CEP85L: variants seen among roughly 807,000 people sequenced by gnomAD.
The protein encoded by CEP85L is centrosomal protein 85L, also known as centrosomal protein of 85 kDa-like.
CEP85L carries 60 observed loss-of-function variants against 100.3 expected under a neutral mutation model. The observed-to-expected ratio is 0.60, with a 90% CI of 0.49 to 0.74. The LOEUF (loss-of-function observed/expected upper bound fraction) is 0.74, where lower values mean the gene tolerates loss of function less well. Among genes scored for constraint, CEP85L ranks in the 30% least tolerant of loss-of-function variants. The pLI is 0.00. For missense variants in CEP85L, 973 were observed against 936.2 expected, an observed-to-expected ratio of 1.04 and a Z score of -0.51; for synonymous variants, 319 against 322.7, an observed-to-expected ratio of 0.99 and a Z score of 0.12.
chr6:118,519,352 C>T (rs1776476601), intron 4 of CEP85L, among the ~76,000 whole-genome samples: 1 of 151,212 alleles, frequency 6.6e-6, no homozygotes, highest in African/African-American at 2.4e-5. Flanking sequence ...GGCAGAAGAA[C>T]TGCATGAACC....
At chr6:118,596,035 A>G (rs551196712) in intron 2 of CEP85L, among the ~76,000 whole-genome samples, 18 of 152,334 alleles carry the variant, frequency 1.2e-4, no homozygotes, top group African/African-American at 3.8e-4. Flanking sequence ...GGTAATTCTC[A>G]GCTGGGTGTT....
chr6:118,693,382 C>T (rs1777108019), intron 1 of CEP85L, among the ~76,000 whole-genome samples: 3 of 152,180 alleles, frequency 2.0e-5, no homozygotes, highest in Admixed American at 1.3e-4. Flanking sequence ...CCATACAATA[C>T]TACTGGTAGG....
chr6:118,581,703 A>G (rs1780587754), intron 2 of CEP85L, among the ~76,000 whole-genome samples: 1 of 151,986 alleles, frequency 6.6e-6, no homozygotes, highest in Non-Finnish European at 1.5e-5. Flanking sequence ...CTAAAAGGAC[A>G]CTTTTATTCT....
chr6:118,518,123 T>G (rs1444123630), intron 4 of CEP85L, among the ~76,000 whole-genome samples: 1 of 152,136 alleles, frequency 6.6e-6, no homozygotes, highest in African/African-American at 2.4e-5. Flanking sequence ...GCTGCTGGAT[T>G]CGGTTTTCCA....
chr6:118,482,021 A>C, intron 7 of CEP85L, 88 bp from the exon 8 acceptor site: 1 of 653,574 alleles, frequency 1.5e-6, no homozygotes, highest in Non-Finnish European at 2.2e-6. Context: ...AAGGATTAAC[A>C]GACTTGTAGC....
chr6:118,473,129 T>A (rs1303936813), intron 10 of CEP85L, among the ~76,000 whole-genome samples: 3 of 152,210 alleles, frequency 2.0e-5, no homozygotes, highest in Non-Finnish European at 2.9e-5. Context: ...CATTCCTTCA[T>A]GCAAAAATCA....
intron 2 of CEP85L, among the ~76,000 whole-genome samples, chr6:118,582,354 T>C (rs1780623466): frequency 6.6e-6 from 1 of 152,180 alleles, no homozygotes; most frequent in Non-Finnish European, 1.5e-5. Flanking sequence ...ACTCAGGTGT[T>C]TGATCTCACA....
At chr6:118,522,610 A>G (rs1364852712) in intron 4 of CEP85L, among the ~76,000 whole-genome samples, 1 of 152,048 alleles carries the variant, frequency 6.6e-6, no homozygotes, top group Non-Finnish European at 1.5e-5. Flanking sequence ...GGGCATGGTG[A>G]CTCATGTTTG....
At chr6:118,541,492 C>A (rs1393553795) in intron 3 of CEP85L, among the ~76,000 whole-genome samples, 1 of 152,162 alleles carries the variant, frequency 6.6e-6, no homozygotes, top group Non-Finnish European at 1.5e-5. Flanking sequence ...ATGAATTCCA[C>A]ATATCAAAAT....
chr6:118,501,889 G>A, intron 5 of CEP85L: 2 of 1,212,008 alleles, frequency 1.7e-6, no homozygotes, highest in Non-Finnish European at 2.4e-6. Context: ...AAAATAAAAA[G>A]AAAGACAAAG....
At chr6:118,695,622 A>C (rs1228293386) in intron 1 of CEP85L, among the ~76,000 whole-genome samples, 1 of 152,186 alleles carries the variant, frequency 6.6e-6, no homozygotes, top group Non-Finnish European at 1.5e-5. Flanking sequence ...TGGTTCAGAG[A>C]ATATAACACA....
chr6:118,584,086 A>G (rs1373959472), intron 2 of CEP85L, among the ~76,000 whole-genome samples: 2 of 152,216 alleles, frequency 1.3e-5, no homozygotes, highest in African/African-American at 4.8e-5. Flanking sequence ...AGGCACTGTC[A>G]CAAGACCTCT....
At chr6:118,638,758 T>C (rs1774678501) in intron 1 of CEP85L, among the ~76,000 whole-genome samples, 1 of 151,992 alleles carries the variant, frequency 6.6e-6, no homozygotes, top group East Asian at 1.9e-4. Flanking sequence ...ATTATTTTAA[T>C]AGAATACTGA....
At chr6:118,487,420 T>TC (rs1424146215) in intron 6 of CEP85L, among the ~76,000 whole-genome samples, 11 of 152,158 alleles carry the variant, frequency 7.2e-5, no homozygotes, top group Non-Finnish European at 1.6e-4. Context: ...GAACTCTCCT[T>TC]CCCCAAACCA....
In CEP85L at chr6:118,511,333, CATA is replaced by C; in HGVS notation, c.1219_1221del (p.Tyr407del). 1 of 1,612,898 alleles carries C rather than the reference CATA, an allele frequency of 6.2e-7. No homozygotes were observed. The highest frequency in any genetic ancestry group is 8.5e-7 in the Non-Finnish European group (1 of 1,179,182). ...GCCACATAAGAATCCTCACAATTTA[CATA>C]ATGTCCTAACATGGCATGTTGAGCC... is the stretch of plus-strand genomic sequence containing the variant. On this transcript the variant is annotated inframe_deletion, in exon 5 of 13. Coordinates refer to ENST00000368491, the MANE Select transcript of CEP85L (RefSeq NM_001042475.3).
intron 2 of CEP85L, among the ~76,000 whole-genome samples, chr6:118,601,932 C>T (rs963244066): frequency 2.6e-5 from 4 of 152,178 alleles, no homozygotes; most frequent in Admixed American, 1.3e-4. Context: ...CCTCCTATCT[C>T]ATCCTGTGAT....
chr6:118,626,019 C>T (rs866812372), intron 2 of CEP85L, among the ~76,000 whole-genome samples: 1 of 152,160 alleles, frequency 6.6e-6, no homozygotes, highest in African/African-American at 2.4e-5. Flanking sequence ...AGGGCCCCAT[C>T]GTCGCCCCTA....
chr6:118,522,217 G>A (rs144220842), intron 4 of CEP85L, among the ~76,000 whole-genome samples: 1,896 of 152,120 alleles, frequency 0.012, 22 homozygotes, highest in South Asian at 0.034. Flanking sequence ...AAAATTAGCC[G>A]GGCGTGACGG....
intron 1 of CEP85L, among the ~76,000 whole-genome samples, chr6:118,650,576 C>A (rs1374012213): frequency 6.6e-6 from 1 of 152,220 alleles, no homozygotes; most frequent in Non-Finnish European, 1.5e-5. Flanking sequence ...CCTCTTACGC[C>A]GCAGGGGCTG....
Sources: gnomAD v4.1 joint callset for allele counts (sites outside exome capture counted in the v4.1 genomes callset) on GRCh38, gnomAD v4.1.1 for gene constraint, MANE v1.5 for transcripts, NCBI Gene and HGNC (gene_info 2026-07-23, HGNC 2026-07-21) for gene names.